Variants in RBFOX1 observed in about 807,000 individuals in gnomAD.
RBFOX1 encodes the protein RNA binding fox-1 homolog 1, also known as RNA binding protein fox-1 homolog 1.
A neutral mutation model predicts 57.7 loss-of-function variants in RBFOX1; 8 were observed. That is an observed-to-expected ratio of 0.14 (90% CI 0.08 to 0.25). RBFOX1 has a LOEUF of 0.25. RBFOX1 is among the 10% of genes least tolerant of loss of function. The probability of loss-of-function intolerance (pLI) is 1.00; values close to 1 mark genes in which losing one functional copy is unlikely to be tolerated. For synonymous variants in RBFOX1, 326 were observed against 222.4 expected (o/e 1.47, Z -4.15); for missense variants, 611 against 548.5 (o/e 1.11, Z -1.14).
At chr16:5,894,043 A>C (rs758997284) in intron 4 of RBFOX1, among the ~76,000 whole-genome samples, 5 of 152,086 alleles carry the variant, frequency 3.3e-5, no homozygotes, top group Non-Finnish European at 7.4e-5. Context: ...GCAGTCATCC[A>C]CTGGGGAATG....
chr16:6,069,465 GAAGA>G (rs1372654134), intron 1 of RBFOX1, among the ~76,000 whole-genome samples: 1 of 150,952 alleles, frequency 6.6e-6, no homozygotes, highest in Non-Finnish European at 1.5e-5. Context: ...CTACTAAGTT[GAAGA>G]AAGCTGAGTC....
intron 1 of RBFOX1, among the ~76,000 whole-genome samples, chr16:6,159,145 C>A (rs2096859339): frequency 6.6e-6 from 1 of 152,144 alleles, no homozygotes; most frequent in Non-Finnish European, 1.5e-5. Context: ...GGCGTGATCT[C>A]AGCTCACTGC....
intron 3 of RBFOX1, among the ~76,000 whole-genome samples, chr16:5,619,017 G>A (rs1158169127): frequency 1.3e-5 from 2 of 152,184 alleles, no homozygotes; most frequent in South Asian, 2.1e-4. Flanking sequence ...AGGCTATTTA[G>A]GAGGAATGTG....
chr16:7,332,865 TTGA>T (rs1568253363), intron 4 of RBFOX1: 1 of 1,484,882 alleles, frequency 6.7e-7, no homozygotes. Flanking sequence ...TCTCCCGGCG[TTGA>T]TGAGTGCTTG....
At chr16:5,702,389 G>A (rs569480544) in intron 3 of RBFOX1, among the ~76,000 whole-genome samples, 70 of 152,280 alleles carry the variant, frequency 4.6e-4, no homozygotes, top group Middle Eastern at 3.4e-3. Flanking sequence ...TCACCCCCAT[G>A]ATGCAGTCAC....
At chr16:6,113,580 G>A (rs748959067) in intron 1 of RBFOX1, among the ~76,000 whole-genome samples, 3 of 152,160 alleles carry the variant, frequency 2.0e-5, no homozygotes, top group African/African-American at 7.2e-5. Flanking sequence ...GAAATTGCCT[G>A]TCTCCGCATT....
At chr16:7,049,612 C>T (rs966766276) in intron 3 of RBFOX1, among the ~76,000 whole-genome samples, 1 of 152,156 alleles carries the variant, frequency 6.6e-6, no homozygotes, top group African/African-American at 2.4e-5. Flanking sequence ...CTTGCACCCA[C>T]ACTAAGGGGT....
chr16:7,215,296 G>A (rs1189033635), intron 4 of RBFOX1, among the ~76,000 whole-genome samples: 1 of 152,152 alleles, frequency 6.6e-6, no homozygotes, highest in Non-Finnish European at 1.5e-5. Context: ...AATACCATTT[G>A]ACCCAGCCAT....
At chr16:7,070,894 T>C (rs2057198459) in intron 4 of RBFOX1, among the ~76,000 whole-genome samples, 1 of 152,150 alleles carries the variant, frequency 6.6e-6, no homozygotes, top group Non-Finnish European at 1.5e-5. Flanking sequence ...ACTGTGGTTG[T>C]TGGGTAGGTG....
intron 3 of RBFOX1, among the ~76,000 whole-genome samples, chr16:6,777,509 A>C (rs2079578224): frequency 6.6e-6 from 1 of 152,160 alleles, no homozygotes; most frequent in African/African-American, 2.4e-5. Flanking sequence ...AGCTTTCTAC[A>C]TTCTATTTTG....
intron 4 of RBFOX1, among the ~76,000 whole-genome samples, chr16:5,994,834 G>T (rs1337729163): frequency 6.6e-6 from 1 of 152,118 alleles, no homozygotes. Flanking sequence ...CCTAGCAAAG[G>T]GCCAAGTGCC....
chr16:7,097,282 G>T (rs1448361985), intron 4 of RBFOX1, among the ~76,000 whole-genome samples: 2 of 152,090 alleles, frequency 1.3e-5, no homozygotes, highest in Non-Finnish European at 2.9e-5. Flanking sequence ...GGAAATTCCA[G>T]GAGGCTAGGC....
At chr16:7,516,701 A>T (rs2076430856) in intron 4 of RBFOX1, among the ~76,000 whole-genome samples, 1 of 152,232 alleles carries the variant, frequency 6.6e-6, no homozygotes, top group South Asian at 2.1e-4. Context: ...GAAGAGCCTG[A>T]TGGGAATGAT....
rs1316859467 is a variant in RBFOX1, at chr16:6,097,715, A to G, written c.-127+77723A>G. ...TTGTGAATCTGGAGCCCATAGACTC[A>G]ACTCCTGTGCTATACTGCCTCTGTG... is the stretch of plus-strand genomic sequence containing the variant. On this transcript the variant is annotated intron_variant, in intron 1 of 15. Coordinates refer to ENST00000550418, the MANE Select transcript of RBFOX1 (RefSeq NM_018723.4). The surrounding 1 kb of genome is among the most constrained non-coding windows in gnomAD (Gnocchi z 5.0). 6.6e-6 allele frequency among the ~76,000 whole-genome samples: 1 copy of G among 151,670 alleles called. No homozygotes were observed. Among genetic ancestry groups the G allele is most frequent in the Admixed American group, 6.6e-5 (1 of 15,234 alleles).
At chr16:7,168,133 T>A (rs1219300774) in intron 4 of RBFOX1, among the ~76,000 whole-genome samples, 1 of 152,242 alleles carries the variant, frequency 6.6e-6, no homozygotes, top group Non-Finnish European at 1.5e-5. Context: ...TTTCCGTCTG[T>A]TGAATCAGTC....
chr16:6,960,468 G>A (rs979694562), intron 3 of RBFOX1, among the ~76,000 whole-genome samples: 2 of 152,102 alleles, frequency 1.3e-5, no homozygotes, highest in African/African-American at 4.8e-5. Context: ...CAGTTCTCGT[G>A]TATGTTGTTA....
chr16:5,938,436 T>C (rs970565090), intron 4 of RBFOX1, among the ~76,000 whole-genome samples: 4 of 152,152 alleles, frequency 2.6e-5, no homozygotes, highest in African/African-American at 9.7e-5. Context: ...CTGCTGATGG[T>C]GATGGTCATG....
intron 4 of RBFOX1, among the ~76,000 whole-genome samples, chr16:7,416,947 T>C (rs1264690767): frequency 6.6e-6 from 1 of 152,194 alleles, no homozygotes; most frequent in Non-Finnish European, 1.5e-5. Flanking sequence ...AGAGAAGTAA[T>C]GTGTCCAAGA....
intron 3 of RBFOX1, among the ~76,000 whole-genome samples, chr16:5,662,456 C>T (rs754527708): frequency 2.0e-5 from 3 of 152,170 alleles, no homozygotes; most frequent in Non-Finnish European, 4.4e-5. Context: ...CTCCCCCATA[C>T]ACTCATAAGA....
Sources: gnomAD v4.1 joint callset for allele counts (sites outside exome capture counted in the v4.1 genomes callset) on GRCh38, gnomAD v4.1.1 for gene constraint, Gnocchi (gnomAD v3.1) non-coding constraint, MANE v1.5 for transcripts, NCBI Gene and HGNC (gene_info 2026-07-23, HGNC 2026-07-21) for gene names.